The following KLHL1 variants were observed in gnomAD, a reference collection of about 807,000 sequenced individuals.
KLHL1 encodes kelch like family member 1.
A neutral mutation model predicts 77.7 loss-of-function variants in KLHL1; 47 were observed. That is an observed-to-expected ratio of 0.60 (90% CI 0.48 to 0.77). KLHL1 has a LOEUF of 0.77. Among genes scored for constraint, KLHL1 ranks in the 30% least tolerant of loss-of-function variants. The probability of loss-of-function intolerance (pLI) is 0.00; values close to 1 mark genes in which losing one functional copy is unlikely to be tolerated. For missense variants in KLHL1, 925 were observed against 910.8 expected, an observed-to-expected ratio of 1.02 and a Z score of -0.20; for synonymous variants, 360 against 325.2, an observed-to-expected ratio of 1.11 and a Z score of -1.15.
intron 1 of KLHL1, among the ~76,000 whole-genome samples, chr13:70,026,580 TC>T (rs1885946972): frequency 6.6e-6 from 1 of 152,046 alleles, no homozygotes; most frequent in Non-Finnish European, 1.5e-5. Context: ...TTGGGTCCGT[TC>T]CCTCATGAGT....
At chr13:69,930,865 TTATG>T (rs1287460872) in intron 4 of KLHL1, among the ~76,000 whole-genome samples, 1 of 151,658 alleles carries the variant, frequency 6.6e-6, no homozygotes, top group Non-Finnish European at 1.5e-5. Flanking sequence ...AGGTGTCTAT[TTATG>T]TATGTAAATT....
At chr13:69,891,469 G>A (rs1881423603) in intron 4 of KLHL1, among the ~76,000 whole-genome samples, 1 of 152,026 alleles carries the variant, frequency 6.6e-6, no homozygotes, top group Non-Finnish European at 1.5e-5. Flanking sequence ...ATGACTGGAA[G>A]TGGTCTCAGA....
At chr13:69,705,518 T>C (rs1337667498) in intron 10 of KLHL1, among the ~76,000 whole-genome samples, 4 of 151,644 alleles carry the variant, frequency 2.6e-5, no homozygotes. Flanking sequence ...TTACAGGACA[T>C]ATGGAGTGAA....
intron 7 of KLHL1, among the ~76,000 whole-genome samples, chr13:69,748,220 G>T (rs1874303876): frequency 6.6e-6 from 1 of 151,948 alleles, no homozygotes; most frequent in Admixed American, 6.6e-5. Flanking sequence ...GTCTTCTTGG[G>T]CCCAAATCCC....
At chr13:69,759,675 C>T (rs1250334543) in intron 7 of KLHL1, among the ~76,000 whole-genome samples, 1 of 152,184 alleles carries the variant, frequency 6.6e-6, no homozygotes, top group Non-Finnish European at 1.5e-5. Context: ...TGCTTCATTG[C>T]TCTACTCAAT....
At chr13:69,963,368 T>C (rs1884124801) in intron 2 of KLHL1, among the ~76,000 whole-genome samples, 1 of 152,214 alleles carries the variant, frequency 6.6e-6, no homozygotes, top group Admixed American at 6.6e-5. Context: ...ATTCATTATA[T>C]TGACTACATG....
chr13:69,848,376 G>A (rs528485524), intron 5 of KLHL1, among the ~76,000 whole-genome samples: 59 of 151,518 alleles, frequency 3.9e-4, no homozygotes, highest in Non-Finnish European at 4.1e-4. Context: ...ATATCAGCCT[G>A]CAGCCTGAAA....
chr13:70,036,789 C>T (rs1371269501), intron 1 of KLHL1, among the ~76,000 whole-genome samples: 3 of 140,488 alleles, frequency 2.1e-5, no homozygotes, highest in Non-Finnish European at 4.7e-5. Context: ...TTTCCTTTTA[C>T]GTTTTTCTTT....
intron 7 of KLHL1, among the ~76,000 whole-genome samples, chr13:69,745,449 G>C (rs1198008086): frequency 6.6e-6 from 1 of 151,830 alleles, no homozygotes; most frequent in African/African-American, 2.4e-5. Context: ...TGTGAGGCTT[G>C]CATTTTCACT....
chr13:69,788,627 A>T (rs12429762), intron 7 of KLHL1, among the ~76,000 whole-genome samples: 10,885 of 152,040 alleles, frequency 0.072, 500 homozygotes, highest in Non-Finnish European at 0.099. Context: ...AAACCTGCAC[A>T]TTGTGTACAT....
intron 9 of KLHL1, among the ~76,000 whole-genome samples, chr13:69,713,678 T>C (rs1875981810): frequency 6.6e-6 from 1 of 152,092 alleles, no homozygotes; most frequent in Admixed American, 6.6e-5. Context: ...AGTTTTAGGG[T>C]AGATCCTAAT....
At chr13:69,839,257 T>A (rs1879148937) in intron 5 of KLHL1, 95 bp from the exon 6 acceptor site, 1 of 812,672 alleles carries the variant, frequency 1.2e-6, no homozygotes, top group Non-Finnish European at 1.9e-6. Context: ...TGTGATATTA[T>A]CCTTATATTG....
intron 1 of KLHL1, among the ~76,000 whole-genome samples, chr13:70,092,284 C>G (rs571037380): frequency 5.5e-4 from 84 of 152,246 alleles, no homozygotes; most frequent in African/African-American, 2.0e-3. Flanking sequence ...TATTGTACCA[C>G]CCAAAACTAC....
Position 69,812,036 on chromosome 13 carries a change from G to A in KLHL1, c.1415-15074C>T, listed in dbSNP as rs142941856. Among the ~76,000 whole-genome samples, 347 of 151,998 alleles carry A rather than the reference G, an allele frequency of 2.3e-3. 8 individuals are homozygous for A. The East Asian group carries it at 0.054, about 24-fold the overall frequency. On this transcript the variant is annotated intron_variant, in intron 6 of 10. Transcript: ENST00000377844. The stretch of plus-strand genomic sequence containing the variant: ...ATCTTTCCTGCTTTCTCTTGTGGGC[G>A]TTTAGTGCTATAAATTTCCCTCTAC...
intron 7 of KLHL1, among the ~76,000 whole-genome samples, chr13:69,744,188 A>C (rs1230882534): frequency 3.9e-5 from 6 of 152,310 alleles, no homozygotes; most frequent in African/African-American, 1.4e-4. Flanking sequence ...TATTGGTTAC[A>C]TGAAGAGAAA....
chr13:69,890,578 T>G (rs539459430), intron 4 of KLHL1, among the ~76,000 whole-genome samples: 2 of 152,058 alleles, frequency 1.3e-5, no homozygotes, highest in Non-Finnish European at 1.5e-5. Context: ...CAAGGGCAAA[T>G]CAATTACTAT....
intron 6 of KLHL1, among the ~76,000 whole-genome samples, chr13:69,838,722 T>C (rs981396117): frequency 2.0e-5 from 3 of 151,906 alleles, no homozygotes; most frequent in African/African-American, 7.2e-5. Context: ...TGGCTTGTGT[T>C]AAGTGATTCA....
At chr13:69,721,813 C>A (rs1873077783) in intron 8 of KLHL1, among the ~76,000 whole-genome samples, 1 of 152,020 alleles carries the variant, frequency 6.6e-6, no homozygotes, top group Non-Finnish European at 1.5e-5. Flanking sequence ...TGATTACTCA[C>A]AAGTAGTCTG....
intron 1 of KLHL1, among the ~76,000 whole-genome samples, chr13:70,000,494 A>G (rs572644742): frequency 1.3e-5 from 2 of 152,034 alleles, no homozygotes; most frequent in Non-Finnish European, 2.9e-5. Flanking sequence ...TACTAAATAT[A>G]TAGAGAACTA....
Sources: gnomAD v4.1 joint callset for allele counts (sites outside exome capture counted in the v4.1 genomes callset) on GRCh38, gnomAD v4.1.1 for gene constraint, MANE v1.5 for transcripts, NCBI Gene and HGNC (gene_info 2026-07-23, HGNC 2026-07-21) for gene names.